Variants in SCN8A observed in about 807,000 individuals in gnomAD.
SCN8A encodes the protein sodium channel protein type 8 subunit alpha.
Under a neutral mutation model 184.1 loss-of-function variants are expected in SCN8A, and 30 were observed. The ratio of observed to expected loss-of-function variants is 0.16; its 90% CI spans 0.12 to 0.22. The LOEUF (loss-of-function observed/expected upper bound fraction) is 0.22, where lower values mean the gene tolerates loss of function less well. SCN8A is among the 10% of genes least tolerant of loss of function. The pLI, the probability that SCN8A is intolerant of heterozygous loss-of-function variation, is 1.00. For synonymous variants in SCN8A, 852 were observed against 907.0 expected (o/e 0.94, Z 1.09); for missense variants, 1,057 against 2,498.9 (o/e 0.42, Z 12.30).
chr12:51,689,106 T>C lies in SCN8A; in HGVS notation c.706+10T>C. 3.1e-6 allele frequency: 5 copies of C among 1,592,896 alleles called. No individual in the cohort carries two copies. Among genetic ancestry groups the C allele is most frequent in the Non-Finnish European group, 4.3e-6 (5 of 1,166,598 alleles). On this transcript the variant is annotated intron_variant, in intron 6 of 26. Transcript: ENST00000627620. ...ATCTCTGTAATTCCAGGTGAGAAAA[T>C]TTGTACATAAGACTGACTTTGCCAC...
chr12:51,768,763 T>C (rs762074488), intron 16 of SCN8A, 102 bp from the exon 17 acceptor site: 7 of 864,326 alleles, frequency 8.1e-6, no homozygotes, highest in Non-Finnish European at 1.2e-5. Flanking sequence ...CAGAGCCTCT[T>C]TGAGTCTGTC....
intron 11 of SCN8A, among the ~76,000 whole-genome samples, chr12:51,708,937 A>G (rs1057164879): frequency 7.9e-5 from 12 of 152,222 alleles, no homozygotes; most frequent in African/African-American, 2.9e-4. Flanking sequence ...AGCTTACAGT[A>G]CAGTGAGACA....
At chr12:51,674,677 A>G (rs1415408289) in intron 2 of SCN8A, among the ~76,000 whole-genome samples, 2 of 152,204 alleles carry the variant, frequency 1.3e-5, no homozygotes, top group African/African-American at 4.8e-5. Flanking sequence ...GTTTGGAGCC[A>G]AAGAGCTGAA....
chr12:51,600,577 T>G (rs892950745), intron 1 of SCN8A, among the ~76,000 whole-genome samples: 8 of 152,194 alleles, frequency 5.3e-5, no homozygotes, highest in South Asian at 2.1e-4. Context: ...CTTCTTGGTA[T>G]AGCTGGGGTA....
At chr12:51,688,067 T>C (rs930227107) in intron 5 of SCN8A, among the ~76,000 whole-genome samples, 4 of 152,352 alleles carry the variant, frequency 2.6e-5, no homozygotes, top group Admixed American at 2.6e-4. Flanking sequence ...TGAAACTGAC[T>C]TTCTGTTATA....
At chr12:51,805,063 G>T (rs1938661712) in intron 26 of SCN8A, among the ~76,000 whole-genome samples, 1 of 152,076 alleles carries the variant, frequency 6.6e-6, no homozygotes, top group South Asian at 2.1e-4. Flanking sequence ...ATTGTGGAGA[G>T]TATCAGTATC....
chr12:51,760,678 C>T (rs576788769), intron 14 of SCN8A, among the ~76,000 whole-genome samples: 2 of 152,194 alleles, frequency 1.3e-5, no homozygotes, highest in African/African-American at 4.8e-5. Flanking sequence ...TCTGTACTTT[C>T]CCTGAACTCA....
At chr12:51,758,949 TAC>T (rs1434632423) in intron 14 of SCN8A, among the ~76,000 whole-genome samples, 3 of 151,236 alleles carry the variant, frequency 2.0e-5, no homozygotes, top group Non-Finnish European at 4.4e-5. Context: ...CACACACACA[TAC>T]ACACACATAT....
intron 1 of SCN8A, among the ~76,000 whole-genome samples, chr12:51,654,964 A>G (rs1940791258): frequency 6.6e-6 from 1 of 152,118 alleles, no homozygotes; most frequent in African/African-American, 2.4e-5. Flanking sequence ...CAGTAGCATG[A>G]TCTCAGCTCA....
chr12:51,673,398 A>G (rs1228505648), intron 2 of SCN8A, among the ~76,000 whole-genome samples: 1 of 152,162 alleles, frequency 6.6e-6, no homozygotes, highest in African/African-American at 2.4e-5. Context: ...ATACTGAGGA[A>G]CAACTGTATG....
chr12:51,689,311 A>G, intron 6 of SCN8A: 1 of 531,494 alleles, frequency 1.9e-6, no homozygotes, highest in Non-Finnish European at 3.4e-6. Flanking sequence ...CATCCATGCT[A>G]TTGAAAAAGC....
At position 51,702,911 on chromosome 12, in the gene SCN8A, A is replaced by G. The variant is rs750815202; in HGVS notation, c.1131A>G (p.Gln377=). The stretch of plus-strand genomic sequence containing the variant: ...AGGACTATTGGGAAAACTTGTATCA[A>G]TTGGTGAGTAATACCTCTTTTCCTT... The part of the protein sequence containing the change: ...MTQDYWENLY[Q]LTLRAAGKTY... Residue 377 remains glutamine (Q), a synonymous_variant, in exon 9 of 27, where the codon CAA becomes CAG. Transcript: ENST00000627620. 29 of 1,595,638 alleles carry G rather than the reference A, an allele frequency of 1.8e-5. No homozygotes were observed. The highest frequency in any genetic ancestry group is 8.7e-5 in the Admixed American group (5 of 57,278).
rs980695083 is a variant in SCN8A, at chr12:51,788,876, A to G, written c.4281+128A>G. On this transcript the variant is annotated intron_variant, in intron 23 of 26. Coordinates refer to ENST00000627620, the MANE Select transcript of SCN8A (RefSeq NM_001330260.2). ...AGGAGTTGACGTTTCTCTTTGGAACATTTATTGCTTGTGTTATTGATTATA... is the reference window on the plus strand; with the variant it reads ...AGGAGTTGACGTTTCTCTTTGGAACGTTTATTGCTTGTGTTATTGATTATA... 2.7e-5 allele frequency: 18 copies of G among 671,388 alleles called. No homozygotes were observed. The South Asian group carries it at 3.2e-4, about 12-fold the overall frequency. 41.6% of individuals were successfully genotyped at this position (671,388 alleles called of 1,614,324 possible).
chr12:51,690,156 G>A (rs942686256), intron 6 of SCN8A: 1 of 152,228 alleles, frequency 6.6e-6, no homozygotes, highest in African/African-American at 2.4e-5. Flanking sequence ...TAACTTGGCA[G>A]AGGTGAAGAC....
intron 1 of SCN8A, among the ~76,000 whole-genome samples, chr12:51,618,540 T>G (rs1939895488): frequency 6.6e-6 from 1 of 151,798 alleles, no homozygotes; most frequent in Non-Finnish European, 1.5e-5. Flanking sequence ...TCTGCTGGTT[T>G]TGTGATACTT....
chr12:51,794,003 G>A (rs1296899125), intron 25 of SCN8A, among the ~76,000 whole-genome samples: 1 of 152,016 alleles, frequency 6.6e-6, no homozygotes, highest in Non-Finnish European at 1.5e-5. Flanking sequence ...AAAATTAGCC[G>A]GACGTGGTGG....
Position 51,807,207 on chromosome 12 carries a change from G to A in SCN8A, c.5721G>A (p.Arg1907=), listed in dbSNP as rs766207565. The A allele has an allele frequency of 6.2e-7, 1 of 1,614,002 alleles. No homozygotes were observed. The highest frequency in any genetic ancestry group is 1.7e-5 in the Admixed American group (1 of 60,026). The change falls in exon 27 of 27, where the codon CGG becomes CGA. Residue 1907 remains arginine (R), a synonymous_variant. Coordinates refer to ENST00000627620, the MANE Select transcript of SCN8A (RefSeq NM_001330260.2). The surrounding 1 kb of genome is among the most constrained non-coding windows in gnomAD (Gnocchi z 4.5). ...CAGTGGTCCTGCAGCGTGCCTACCG[G>A]GGACATTTGGCAAGGCGGGGCTTCA... ...VSAVVLQRAY[R]GHLARRGFIC...
intron 11 of SCN8A, among the ~76,000 whole-genome samples, chr12:51,708,916 C>T (rs530005882): frequency 1.3e-5 from 2 of 152,106 alleles, no homozygotes; most frequent in Non-Finnish European, 2.9e-5. Context: ...AACATCATCC[C>T]TACCCTAGAG....
intron 1 of SCN8A, among the ~76,000 whole-genome samples, chr12:51,622,824 C>T (rs769912700): frequency 4.6e-5 from 7 of 152,098 alleles, no homozygotes; most frequent in African/African-American, 7.2e-5. Flanking sequence ...AGGGTATTAT[C>T]TACTTATATT....
Sources: allele counts gnomAD v4.1 joint callset (sites outside exome capture counted in the v4.1 genomes callset), GRCh38; gene constraint gnomAD v4.1.1; non-coding constraint Gnocchi (gnomAD v3.1); transcripts MANE v1.5; gene names NCBI Gene and HGNC (gene_info 2026-07-23, HGNC 2026-07-21).